ATP2B1: variants seen among roughly 807,000 people sequenced by gnomAD.
ATP2B1 encodes ATPase plasma membrane Ca2+ transporting 1.
A neutral mutation model predicts 124.2 loss-of-function variants in ATP2B1; 14 were observed. The ratio of observed to expected loss-of-function variants is 0.11; its 90% CI spans 0.07 to 0.18. The LOEUF (loss-of-function observed/expected upper bound fraction) is 0.18. Among genes scored for constraint, ATP2B1 ranks in the 10% least tolerant of loss-of-function variants. ATP2B1 has a pLI of 1.00. For missense variants in ATP2B1, 763 were observed against 1,466.1 expected (o/e 0.52, Z 7.83); for synonymous variants, 449 against 492.4 (o/e 0.91, Z 1.17).
rs546068774 is a variant in ATP2B1, at chr12:89,610,587, G to A, written c.2248-79C>T. On this transcript the variant is annotated intron_variant, in intron 13 of 20. Coordinates refer to ENST00000428670, the MANE Select transcript of ATP2B1 (RefSeq NM_001366521.1). ...AATGAGCTATCTGGCATATTTATCA[G>A]TAGCTCTCAAAGTGTGGTCCACAGA... 13 of 1,162,644 alleles carry A rather than the reference G, an allele frequency of 1.1e-5. No homozygotes were observed. In the East Asian group the frequency reaches 1.4e-4, roughly 13 times the overall value. The allele number at this position is 1,162,644 out of a possible 1,614,324, so 72.0% of individuals were successfully genotyped here. A position where few individuals can be genotyped will look rare whatever the true frequency, so the allele number is the denominator to read the frequency against.
At chr12:89,667,203 T>G (rs1048431459) in intron 1 of ATP2B1, among the ~76,000 whole-genome samples, 5 of 152,262 alleles carry the variant, frequency 3.3e-5, no homozygotes, top group Middle Eastern at 3.4e-3. Flanking sequence ...CATCTTCTAT[T>G]AATGCTTCTA....
At chr12:89,663,147 C>G (rs1016719774) in intron 1 of ATP2B1, among the ~76,000 whole-genome samples, 2 of 152,146 alleles carry the variant, frequency 1.3e-5, no homozygotes, top group African/African-American at 4.8e-5. Flanking sequence ...ATTTAAATAG[C>G]AGAGCTAAAC....
Position 89,684,758 on chromosome 12 carries a change from C to T in ATP2B1, c.-222+23838G>A, listed in dbSNP as rs532772353. On this transcript the variant is annotated intron_variant, in intron 1 of 20. Transcript: ENST00000428670. ...TTTTGGACCATTTGAGATTGGACAG[C>T]GGAGAGAAACTTGGCTTCTCTCCCT... 1.4e-3 allele frequency among the ~76,000 whole-genome samples: 217 copies of T among 152,208 alleles called. 1 individual carries two copies. Among genetic ancestry groups the T allele is most frequent in the African/African-American group, 4.7e-3 (196 of 41,544 alleles).
chr12:89,674,177 G>A (rs184116772), intron 1 of ATP2B1, among the ~76,000 whole-genome samples: 1 of 152,064 alleles, frequency 6.6e-6, no homozygotes. Context: ...TTTGAAGGAG[G>A]TATCAATCAA....
intron 1 of ATP2B1, among the ~76,000 whole-genome samples, chr12:89,657,740 T>C (rs1886127458): frequency 6.6e-6 from 1 of 152,186 alleles, no homozygotes; most frequent in Non-Finnish European, 1.5e-5. Flanking sequence ...CTAATAATTT[T>C]TGGGGTGATG....
intron 1 of ATP2B1, among the ~76,000 whole-genome samples, chr12:89,670,903 T>C (rs764356590): frequency 8.2e-5 from 12 of 147,150 alleles, no homozygotes; most frequent in Non-Finnish European, 1.5e-4. Context: ...AGAACCTTCT[T>C]GGAACCTGAT....
rs184891660 is a variant in ATP2B1, at chr12:89,589,371, A to G, written c.*1613T>C. ...AAAAAGAGAAGAAGGTAGATGAAGG[A>G]AAGAAAAAGAGAGCTAAAGAATCCA... On this transcript the variant is annotated 3_prime_UTR_variant, in exon 21 of 21. Coordinates refer to ENST00000428670, the MANE Select transcript of ATP2B1 (RefSeq NM_001366521.1). 6 of 152,608 alleles carry G rather than the reference A, an allele frequency of 3.9e-5. No individual in the cohort carries two copies. In the East Asian group the frequency reaches 1.2e-3, roughly 29 times the overall value. The allele number at this position is 152,608 out of a possible 1,614,324, so 9.5% of individuals were successfully genotyped here.
chr12:89,600,134 G>A (rs1358639229), intron 19 of ATP2B1, among the ~76,000 whole-genome samples: 1 of 152,140 alleles, frequency 6.6e-6, no homozygotes, highest in Non-Finnish European at 1.5e-5. Flanking sequence ...TTACTTAAAA[G>A]ATGATCTCTA....
chr12:89,699,576 CT>C (rs948582530), intron 1 of ATP2B1, among the ~76,000 whole-genome samples: 3 of 152,112 alleles, frequency 2.0e-5, no homozygotes, highest in Admixed American at 6.5e-5. Flanking sequence ...TCAAAACCCC[CT>C]GACTTTGTAC....
chr12:89,704,818 C>T (rs1195748579), intron 1 of ATP2B1, among the ~76,000 whole-genome samples: 1 of 151,908 alleles, frequency 6.6e-6, no homozygotes, highest in Non-Finnish European at 1.5e-5. Context: ...CAAACTACCA[C>T]CAGAAAAATT....
At chr12:89,665,553 A>AT (rs550842792) in intron 1 of ATP2B1, among the ~76,000 whole-genome samples, 49 of 152,310 alleles carry the variant, frequency 3.2e-4, no homozygotes, top group African/African-American at 1.1e-3. Context: ...AATAAAGTTA[A>AT]TTTTATATAA....
chr12:89,697,033 G>T (rs1189213031), intron 1 of ATP2B1, among the ~76,000 whole-genome samples: 2 of 133,710 alleles, frequency 1.5e-5, no homozygotes, highest in East Asian at 4.3e-4. Flanking sequence ...CTTAAGAAAT[G>T]ACTGCTGTTT....
At chr12:89,611,438 C>T in intron 12 of ATP2B1, 66 bp from the exon 13 acceptor site, 1 of 1,266,774 alleles carries the variant, frequency 7.9e-7, no homozygotes. Flanking sequence ...AAATATTTCA[C>T]TGCACACGAC....
chr12:89,705,818 T>G (rs1892382980), intron 1 of ATP2B1, among the ~76,000 whole-genome samples: 1 of 152,168 alleles, frequency 6.6e-6, no homozygotes. Flanking sequence ...TTGGCTAATT[T>G]TAGTTTAATA....
chr12:89,599,823 G>A (rs140298212), intron 19 of ATP2B1, among the ~76,000 whole-genome samples: 91 of 152,020 alleles, frequency 6.0e-4, no homozygotes, highest in African/African-American at 2.2e-3. Flanking sequence ...GATTGATGAC[G>A]CCAAACAAAA....
intron 1 of ATP2B1, among the ~76,000 whole-genome samples, chr12:89,703,172 A>G (rs1411609740): frequency 2.0e-5 from 3 of 152,196 alleles, no homozygotes; most frequent in African/African-American, 4.8e-5. Context: ...GCTATTTGCT[A>G]TACTGTTATA....
chr12:89,611,491 G>T, intron 12 of ATP2B1, 119 bp from the exon 13 acceptor site: 1 of 749,790 alleles, frequency 1.3e-6, no homozygotes, highest in Non-Finnish European at 1.9e-6. Context: ...ATGATACAAT[G>T]ACTTAATAAT....
At chr12:89,653,283 C>CTTTTTTT (rs149270069) in intron 2 of ATP2B1, among the ~76,000 whole-genome samples, 1 of 76,116 alleles carries the variant, frequency 1.3e-5, no homozygotes, top group African/African-American at 5.1e-5. Context: ...GAATTTTTTT[C>CTTTTTTT]TTTTTTTTTT....
At chr12:89,705,643 C>T (rs1892361489) in intron 1 of ATP2B1, among the ~76,000 whole-genome samples, 1 of 152,116 alleles carries the variant, frequency 6.6e-6, no homozygotes, top group Admixed American at 6.5e-5. Context: ...GTAAATCTTA[C>T]TCTGAAATCA....
Sources: gnomAD v4.1 joint callset for allele counts (sites outside exome capture counted in the v4.1 genomes callset) on GRCh38, gnomAD v4.1.1 for gene constraint, MANE v1.5 for transcripts, NCBI Gene and HGNC (gene_info 2026-07-23, HGNC 2026-07-21) for gene names.